Variants in UNC13C observed in about 807,000 individuals in gnomAD.
UNC13C encodes the protein protein unc-13 homolog C.
In UNC13C, 174 loss-of-function variants were observed where a neutral mutation model predicts 245.4. The observed-to-expected ratio is 0.71, with a 90% CI of 0.63 to 0.80. The LOEUF (loss-of-function observed/expected upper bound fraction) is 0.80. Among genes scored for constraint, UNC13C ranks in the 30% least tolerant of loss-of-function variants. The probability of loss-of-function intolerance (pLI) is 0.00; values close to 1 mark genes in which losing one functional copy is unlikely to be tolerated. For missense variants in UNC13C, 2,829 were observed against 2,602.9 expected (o/e 1.09, Z -1.89); for synonymous variants, 992 against 895.1 (o/e 1.11, Z -1.93).
In UNC13C at chr15:53,981,050, C is replaced by T. The variant is rs538259352; in HGVS notation, c.-257+2123C>T. Among the ~76,000 whole-genome samples the T allele has an allele frequency of 5.9e-5, 9 of 152,250 alleles. No individual in the cohort carries two copies. In the East Asian group the frequency reaches 9.7e-4, roughly 16 times the overall value. ...GGAGGAAGGTCAGTGCAGAAGAGAA[C>T]GTACTTCGTTGTCTGCTGATTTAGG... On this transcript the variant is annotated intron_variant, in intron 1 of 32. Coordinates refer to ENST00000260323, the MANE Select transcript of UNC13C (RefSeq NM_001080534.3).
chr15:53,989,673 T>C (rs1040608265), intron 1 of UNC13C, among the ~76,000 whole-genome samples: 1 of 152,078 alleles, frequency 6.6e-6, no homozygotes, highest in African/African-American at 2.4e-5. Flanking sequence ...ACGAGCTTTT[T>C]GTTTTCAGGA....
At chr15:54,409,888 C>T (rs1292362301) in intron 18 of UNC13C, among the ~76,000 whole-genome samples, 2 of 152,054 alleles carry the variant, frequency 1.3e-5, no homozygotes, top group African/African-American at 4.8e-5. Flanking sequence ...TGGTTATATT[C>T]CCAATAAAGA....
intron 4 of UNC13C, among the ~76,000 whole-genome samples, chr15:54,227,992 G>A (rs905731502): frequency 1.3e-5 from 2 of 152,194 alleles, no homozygotes; most frequent in African/African-American, 2.4e-5. Context: ...AGGAGCTGGA[G>A]TCTGAAGTCA....
At position 54,628,179 on chromosome 15, in the gene UNC13C, C is replaced by T. The variant is rs1901307697; in HGVS notation, c.*1066C>T. On this transcript the variant is annotated 3_prime_UTR_variant, in exon 33 of 33. Transcript: ENST00000260323. ...GCAGTAGGAGAACAATGTAATACAG[C>T]TTGGTACCTAAAAATATAGCTAAGT... 6.6e-6 allele frequency: 1 copy of T among 152,082 alleles called. No homozygotes were observed. The highest frequency in any genetic ancestry group is 2.4e-5 in the African/African-American group (1 of 41,408). 9.4% of individuals were successfully genotyped at this position (152,082 alleles called of 1,614,324 possible). A position where few individuals can be genotyped will look rare whatever the true frequency, so the allele number is the denominator to read the frequency against.
chr15:54,136,801 C>T (rs2031757850), intron 2 of UNC13C, among the ~76,000 whole-genome samples: 1 of 151,686 alleles, frequency 6.6e-6, no homozygotes. Flanking sequence ...CTATTCAGAT[C>T]ATTATATAAT....
chr15:54,371,781 T>C (rs2039492681), intron 17 of UNC13C, among the ~76,000 whole-genome samples: 1 of 152,080 alleles, frequency 6.6e-6, no homozygotes, highest in Admixed American at 6.6e-5. Context: ...AGGGAAATCC[T>C]GTCATTTGTG....
chr15:54,068,715 G>A (rs561237608), intron 2 of UNC13C, among the ~76,000 whole-genome samples: 1 of 152,216 alleles, frequency 6.6e-6, no homozygotes, highest in East Asian at 1.9e-4. Context: ...TTTTCAAAAA[G>A]CATAAGCTGC....
chr15:54,345,024 T>G (rs1459266632), intron 17 of UNC13C, among the ~76,000 whole-genome samples: 2 of 152,196 alleles, frequency 1.3e-5, no homozygotes, highest in Non-Finnish European at 2.9e-5. Flanking sequence ...TTCATTTAAG[T>G]TAAATTCAAA....
chr15:53,992,399 G>A (rs926209253), intron 1 of UNC13C, among the ~76,000 whole-genome samples: 1 of 152,044 alleles, frequency 6.6e-6, no homozygotes, highest in African/African-American at 2.4e-5. Context: ...TGGAGGTCCA[G>A]GAGGTTGTTT....
At position 54,494,043 on chromosome 15, in the gene UNC13C, T is replaced by G. The variant is rs565287042; in HGVS notation, c.4934-565T>G. Among the ~76,000 whole-genome samples, 2 of 152,234 alleles carry G rather than the reference T, an allele frequency of 1.3e-5. 1 individual carries two copies. The highest frequency in any genetic ancestry group is 1.3e-4 in the Admixed American group (2 of 15,286). ...GATATTTTCTCTCCTTTTCAACTAT[T>G]TTAATGCTTTAGGGGGTAAATAACT... On this transcript the variant is annotated intron_variant, in intron 19 of 32. Coordinates refer to ENST00000260323, the MANE Select transcript of UNC13C (RefSeq NM_001080534.3).
At chr15:54,060,469 C>T (rs2141074596) in intron 2 of UNC13C, among the ~76,000 whole-genome samples, 1 of 152,282 alleles carries the variant, frequency 6.6e-6, no homozygotes, top group East Asian at 1.9e-4. Context: ...CAGGAAACAA[C>T]AGGTGCTGGA....
Position 54,489,727 on chromosome 15 carries a change from T to C in UNC13C, c.4934-4881T>C, listed in dbSNP as rs146071286. Among the ~76,000 whole-genome samples, 8 of 152,270 alleles carry C rather than the reference T, an allele frequency of 5.3e-5. No homozygotes were observed. In the East Asian group the frequency reaches 1.5e-3, roughly 29 times the overall value. On this transcript the variant is annotated intron_variant, in intron 19 of 32. Coordinates refer to ENST00000260323, the MANE Select transcript of UNC13C (RefSeq NM_001080534.3). ...ACCAGTTAGTTAAACCTGCCACAAA[T>C]ACTGGGGTTCATGATGATTTCTGTA...
intron 17 of UNC13C, among the ~76,000 whole-genome samples, chr15:54,341,164 A>C (rs898550018): frequency 1.3e-5 from 2 of 152,208 alleles, no homozygotes; most frequent in Non-Finnish European, 2.9e-5. Context: ...TCATATATTC[A>C]TCACAGCACT....
At chr15:54,463,407 C>G (rs1475551619) in intron 19 of UNC13C, among the ~76,000 whole-genome samples, 3 of 151,690 alleles carry the variant, frequency 2.0e-5, no homozygotes, top group South Asian at 4.2e-4. Context: ...GCTGCTCACT[C>G]TTTGGGTCTG....
intron 26 of UNC13C, among the ~76,000 whole-genome samples, chr15:54,540,404 G>C (rs1896190750): frequency 6.6e-6 from 1 of 152,020 alleles, no homozygotes; most frequent in Non-Finnish European, 1.5e-5. Context: ...TTTGAAAATT[G>C]TCTGATTAAT....
rs929281537 is a variant in UNC13C at position 54,247,478 on chromosome 15, T to C, written c.3229-2747T>C. Among the ~76,000 whole-genome samples the C allele has an allele frequency of 3.2e-4, 49 of 152,308 alleles. 1 individual carries two copies. Among genetic ancestry groups the C allele is most frequent in the African/African-American group, 1.2e-3 (49 of 41,562 alleles). On this transcript the variant is annotated intron_variant, in intron 7 of 32. Transcript: ENST00000260323. ...CTATTAATTTCATGTTCCTAAACTA[T>C]CAACTCAACATATACTTTGCTGAAA...
chr15:54,217,715 T>A (rs2035083930), intron 4 of UNC13C, among the ~76,000 whole-genome samples: 1 of 151,918 alleles, frequency 6.6e-6, no homozygotes, highest in African/African-American at 2.4e-5. Context: ...ATTTTTTTCA[T>A]TTTCCGCAGT....
chr15:54,372,276 G>A lies in UNC13C; in HGVS notation c.4714-20772G>A, dbSNP rs551440034. 2.6e-5 allele frequency among the ~76,000 whole-genome samples: 4 copies of A among 152,026 alleles called. No homozygotes were observed. In the East Asian group the frequency reaches 7.7e-4, roughly 29 times the overall value. Reference sequence around the variant, plus strand: ...AAAAATATAGTAATATGTCATATCAGTGAGCTTTATCTTATACTTGTTTTC... The same window carrying A: ...AAAAATATAGTAATATGTCATATCAATGAGCTTTATCTTATACTTGTTTTC... On this transcript the variant is annotated intron_variant, in intron 17 of 32. Transcript: ENST00000260323.
At chr15:53,935,796 G>T in the UNC13C span, among the ~76,000 whole-genome samples, 1 of 152,192 alleles carries the variant, frequency 6.6e-6, no homozygotes. Flanking sequence ...TTTTCCCATG[G>T]ATCTCTGAAA....
Sources: gnomAD v4.1 joint callset for allele counts (sites outside exome capture counted in the v4.1 genomes callset) on GRCh38, gnomAD v4.1.1 for gene constraint, MANE v1.5 for transcripts, NCBI Gene and HGNC (gene_info 2026-07-23, HGNC 2026-07-21) for gene names.